The following WDR12 variants were observed in gnomAD, a reference collection of about 807,000 sequenced individuals.
WDR12 encodes the protein ribosome biogenesis protein WDR12.
In WDR12, 42 loss-of-function variants were observed where a neutral mutation model predicts 64.3. The observed-to-expected ratio is 0.65, with a 90% CI of 0.51 to 0.84. The LOEUF (loss-of-function observed/expected upper bound fraction) is 0.84, where lower values mean the gene tolerates loss of function less well. WDR12 is among the 40% of genes least tolerant of loss of function. The pLI is 0.00. For missense variants in WDR12, 469 were observed against 494.6 expected (o/e 0.95, Z 0.49); for synonymous variants, 158 against 173.3 (o/e 0.91, Z 0.70).
In WDR12 at chr2:202,876,994, T is replaced by C. The variant is rs1687868553; in HGVS notation, c.*3866A>G. The stretch of plus-strand genomic sequence containing the variant: ...AAATTTAATATTTTCCTTATATTTG[T>C]TATATATAGTAAACTGTTACCTTTT... On this transcript the variant is annotated 3_prime_UTR_variant, in exon 13 of 13. Transcript: ENST00000261015. 6.6e-6 allele frequency: 1 copy of C among 152,128 alleles called. No individual in the cohort carries two copies. The highest frequency in any genetic ancestry group is 2.4e-5 in the African/African-American group (1 of 41,416). 9.4% of individuals were successfully genotyped at this position (152,128 alleles called of 1,614,324 possible).
chr2:202,884,552 C>A lies in WDR12; in HGVS notation c.742-17G>T. The A allele has an allele frequency of 6.3e-7, 1 of 1,597,542 alleles. No individual in the cohort carries two copies. Among genetic ancestry groups the A allele is most frequent in the South Asian group, 1.1e-5 (1 of 87,484 alleles). On this transcript the variant is annotated splice_polypyrimidine_tract_variant and intron_variant, in intron 8 of 12. Transcript: ENST00000261015. ...TATGGGAGTCTAGAAAGGAAGAACCCCAAAAGGGGAAAGTGTTTTCATTAC... is the reference window on the plus strand; with the variant it reads ...TATGGGAGTCTAGAAAGGAAGAACCACAAAAGGGGAAAGTGTTTTCATTAC...
intron 7 of WDR12, among the ~76,000 whole-genome samples, chr2:202,893,659 A>G (rs1469429819): frequency 6.6e-6 from 1 of 152,210 alleles, no homozygotes; most frequent in Non-Finnish European, 1.5e-5. Context: ...AAAAAGTAAC[A>G]GAGGTATTCT....
Position 202,896,170 on chromosome 2 carries a change from G to A in WDR12, c.504C>T (p.Leu168=), listed in dbSNP as rs1197397533. 3.1e-6 allele frequency: 5 copies of A among 1,614,024 alleles called. No individual in the cohort carries two copies. The African/African-American group carries it at 4.0e-5, about 13-fold the overall frequency. Residue 168 remains leucine (L), a synonymous_variant, in exon 6 of 13, where the codon CTC becomes CTT. Transcript: ENST00000261015. The part of the protein sequence containing the change: ...LLSASMDQTI[L]LWEWNVERNK... ...TTCTCTCTACATTCCACTCCCATAAGAGAATAGTCTGATCCATAGAAGCAC... is the reference window on the plus strand; with the variant it reads ...TTCTCTCTACATTCCACTCCCATAAAAGAATAGTCTGATCCATAGAAGCAC...
At position 202,876,706 on chromosome 2, in the gene WDR12, C is replaced by G. The variant is rs1023012891; in HGVS notation, c.*4154G>C. On this transcript the variant is annotated 3_prime_UTR_variant, in exon 13 of 13. Coordinates refer to ENST00000261015, the MANE Select transcript of WDR12 (RefSeq NM_018256.4). Reference sequence around the variant, plus strand: ...ATCCGAGCACTTAGGGAGGCTGAGGCATGAGGACTGCCTGAGGCCAAGAGT... The same window carrying G: ...ATCCGAGCACTTAGGGAGGCTGAGGGATGAGGACTGCCTGAGGCCAAGAGT... The G allele has an allele frequency of 6.6e-6, 1 of 152,034 alleles. No individual in the cohort carries two copies. Among genetic ancestry groups the G allele is most frequent in the African/African-American group, 2.4e-5 (1 of 41,402 alleles). 9.4% of individuals were successfully genotyped at this position (152,034 alleles called of 1,614,324 possible). A position where few individuals can be genotyped will look rare whatever the true frequency, so the allele number is the denominator to read the frequency against.
At chr2:202,896,974 G>A (rs1268971963) in intron 5 of WDR12, among the ~76,000 whole-genome samples, 5 of 151,866 alleles carry the variant, frequency 3.3e-5, no homozygotes, top group Non-Finnish European at 5.9e-5. Flanking sequence ...GTGACACAGC[G>A]AGACTATCTC....
Position 202,911,544 on chromosome 2 carries a change from G to A in WDR12, c.-68C>T, listed in dbSNP as rs372126062. On this transcript the variant is annotated 5_prime_UTR_variant, in exon 1 of 13. Transcript: ENST00000261015. ...AGCAGACCCACAACACGAAGCTCCT[G>A]CCTTTTAAGACTACAAAGAGGCAGC... is the stretch of plus-strand genomic sequence containing the variant. 2 of 1,465,382 alleles carry A rather than the reference G, an allele frequency of 1.4e-6. No individual in the cohort carries two copies. Among genetic ancestry groups the A allele is most frequent in the African/African-American group, 2.8e-5 (2 of 71,842 alleles). 90.8% of individuals were successfully genotyped at this position (1,465,382 alleles called of 1,614,324 possible).
chr2:202,883,211 C>A (rs1456628290), intron 11 of WDR12, among the ~76,000 whole-genome samples: 3 of 152,148 alleles, frequency 2.0e-5, no homozygotes, highest in African/African-American at 7.2e-5. Flanking sequence ...TCTCGGCTCA[C>A]TGCAACCTCC....
In WDR12 at chr2:202,884,281, C is replaced by T; in HGVS notation, c.905G>A (p.Cys302Tyr). Residue 302 changes from cysteine (C) to tyrosine (Y), a missense_variant, in exon 10 of 13, where the codon TGT (cysteine) becomes TAT (tyrosine). Cys to Tyr is a radical substitution (Grantham distance 194). Transcript: ENST00000261015. ...STLTGNKVFN[C>Y]ISYSPLCKRL... Reference sequence around the variant, plus strand: ...TTTACAAAGTGGAGAATAGGAAATACAATTAAACACTTTATTTCCTGTCTG... The same window carrying T: ...TTTACAAAGTGGAGAATAGGAAATATAATTAAACACTTTATTTCCTGTCTG... 1 of 1,613,966 alleles carries T rather than the reference C, an allele frequency of 6.2e-7. No individual in the cohort carries two copies. Among genetic ancestry groups the T allele is most frequent in the African/African-American group, 1.3e-5 (1 of 75,016 alleles).
intron 8 of WDR12, among the ~76,000 whole-genome samples, chr2:202,888,718 C>A (rs970328303): frequency 2.2e-4 from 33 of 152,034 alleles, no homozygotes; most frequent in African/African-American, 8.0e-4. Context: ...CCAAATTTTT[C>A]TTTGCTTTTT....
intron 7 of WDR12, 150 bp downstream of exon 7, chr2:202,894,431 A>C: frequency 1.7e-6 from 1 of 597,004 alleles, no homozygotes; most frequent in Non-Finnish European, 2.9e-6. Flanking sequence ...TATGTGGCCT[A>C]GGCTGCTCTT....
intron 8 of WDR12, among the ~76,000 whole-genome samples, chr2:202,887,423 T>C (rs189213797): frequency 6.6e-6 from 1 of 152,214 alleles, no homozygotes; most frequent in African/African-American, 2.4e-5. Flanking sequence ...AAACTGGCTG[T>C]TGGGCTGTAA....
intron 4 of WDR12, among the ~76,000 whole-genome samples, chr2:202,899,237 G>A (rs1688306814): frequency 6.6e-6 from 1 of 151,390 alleles, no homozygotes; most frequent in Non-Finnish European, 1.5e-5. Context: ...GTAGAGACAG[G>A]GTTTCACCAT....
At chr2:202,903,256 T>C (rs568711468) in intron 2 of WDR12, among the ~76,000 whole-genome samples, 40 of 152,206 alleles carry the variant, frequency 2.6e-4, no homozygotes, top group African/African-American at 8.9e-4. Context: ...CCTTTCATGA[T>C]AAAAGCCCTC....
intron 8 of WDR12, among the ~76,000 whole-genome samples, chr2:202,890,382 G>A (rs1688133500): frequency 6.6e-6 from 1 of 152,226 alleles, no homozygotes; most frequent in East Asian, 1.9e-4. Context: ...GGGAGCTACT[G>A]GTTGAGAGGC....
intron 5 of WDR12, among the ~76,000 whole-genome samples, chr2:202,896,971 A>C (rs1178119146): frequency 6.6e-6 from 1 of 152,150 alleles, no homozygotes; most frequent in Non-Finnish European, 1.5e-5. Context: ...TGGGTGACAC[A>C]GCGAGACTAT....
rs1454466927 is a variant in WDR12 at position 202,877,983 on chromosome 2, T to G, written c.*2877A>C. ...GAGGACTGAATAGTCTAGGCATGTATTGACCTCTCATATTCCTTCTGTTCA... is the reference window on the plus strand; with the variant it reads ...GAGGACTGAATAGTCTAGGCATGTAGTGACCTCTCATATTCCTTCTGTTCA... On this transcript the variant is annotated 3_prime_UTR_variant, in exon 13 of 13. Coordinates refer to ENST00000261015, the MANE Select transcript of WDR12 (RefSeq NM_018256.4). The G allele has an allele frequency of 6.6e-6, 1 of 152,212 alleles. No homozygotes were observed. Among genetic ancestry groups the G allele is most frequent in the South Asian group, 2.1e-4 (1 of 4,830 alleles). 9.4% of individuals were successfully genotyped at this position (152,212 alleles called of 1,614,324 possible). A position where few individuals can be genotyped will look rare whatever the true frequency, so the allele number is the denominator to read the frequency against.
At chr2:202,901,241 G>C (rs1260957794) in intron 2 of WDR12, 122 bp from the exon 3 acceptor site, 1 of 511,168 alleles carries the variant, frequency 2.0e-6, no homozygotes, top group African/African-American at 1.9e-5. Context: ...GTTTCTCTGT[G>C]ATTTTTAAGA....
At chr2:202,882,575 A>G (rs941227211) in intron 12 of WDR12, 136 bp downstream of exon 12, 17 of 748,904 alleles carry the variant, frequency 2.3e-5, no homozygotes, top group Non-Finnish European at 3.3e-5. Context: ...TGATCTGCCC[A>G]CCTTGGCCTC....
intron 7 of WDR12, among the ~76,000 whole-genome samples, chr2:202,893,329 C>T (rs937165443): frequency 5.3e-5 from 8 of 151,806 alleles, no homozygotes; most frequent in African/African-American, 7.3e-5. Context: ...AACATTAAAA[C>T]GTTTTGTGGC....
Sources: allele counts gnomAD v4.1 joint callset (sites outside exome capture counted in the v4.1 genomes callset), GRCh38; gene constraint gnomAD v4.1.1; transcripts MANE v1.5; gene names NCBI Gene and HGNC (gene_info 2026-07-23, HGNC 2026-07-21).